FMR1NB: variants seen among roughly 807,000 people sequenced by gnomAD.
FMR1NB encodes the protein FMR1 neighbor, also known as FMR1 neighbor protein.
In FMR1NB, 10 loss-of-function variants were observed where a neutral mutation model predicts 16.8. The ratio of observed to expected loss-of-function variants is 0.60; its 90% CI spans 0.37 to 1.01. The LOEUF (loss-of-function observed/expected upper bound fraction) is 1.01, where lower values mean the gene tolerates loss of function less well. Among genes scored for constraint, FMR1NB ranks in the 50% least tolerant of loss-of-function variants. The probability of loss-of-function intolerance (pLI) is 0.01; values close to 1 mark genes in which losing one functional copy is unlikely to be tolerated. For synonymous variants in FMR1NB, 83 were observed against 79.1 expected, an observed-to-expected ratio of 1.05 and a Z score of -0.26; for missense variants, 205 against 204.8, an observed-to-expected ratio of 1.00 and a Z score of 0.00.
chrX:147,996,606 A>G (rs1421109866), intron 1 of FMR1NB, among the ~76,000 whole-genome samples: 4 of 111,041 alleles, frequency 3.6e-5, no homozygotes, highest in African/African-American at 1.3e-4. Flanking sequence ...GGCGGGGGCA[A>G]CATAATTTGT....
At chrX:148,003,448 G>T (rs2044581045) in intron 2 of FMR1NB, 128 bp downstream of exon 2, 1 of 709,969 alleles carries the variant, frequency 1.4e-6, no homozygotes, top group African/African-American at 2.2e-5. Flanking sequence ...TCCTGGCTCT[G>T]CTCTTTGGCT....
chrX:147,991,609 ACTTC>A (rs1156273184), intron 1 of FMR1NB, among the ~76,000 whole-genome samples: 2 of 102,349 alleles, frequency 2.0e-5, no homozygotes, highest in East Asian at 6.0e-4. Context: ...TTCCCAAAAA[ACTTC>A]CTTCCTTCAC....
chrX:148,007,076 C>T (rs1440844026), intron 3 of FMR1NB, among the ~76,000 whole-genome samples: 1 of 111,447 alleles, frequency 9.0e-6, no homozygotes, highest in East Asian at 2.8e-4. Flanking sequence ...TTTTCTTTTG[C>T]TTTAGTCACT....
intron 2 of FMR1NB, among the ~76,000 whole-genome samples, chrX:148,005,131 G>T (rs1347782192): frequency 8.0e-5 from 9 of 112,130 alleles, no homozygotes; most frequent in Non-Finnish European, 1.3e-4. Context: ...CTCGTGATCC[G>T]CCCGCCTTGG....
intron 1 of FMR1NB, among the ~76,000 whole-genome samples, chrX:148,002,227 G>A (rs1166647780): frequency 1.8e-5 from 2 of 111,405 alleles, no homozygotes; most frequent in Non-Finnish European, 3.8e-5. Flanking sequence ...TCTCTACTAT[G>A]CAACACAATA....
intron 1 of FMR1NB, among the ~76,000 whole-genome samples, chrX:147,992,016 C>A (rs1557187660): frequency 8.9e-6 from 1 of 112,292 alleles, no homozygotes; most frequent in East Asian, 2.8e-4. Context: ...AGAGGAATTT[C>A]TCCCAGTGCA....
intron 4 of FMR1NB, among the ~76,000 whole-genome samples, chrX:148,019,035 G>C (rs964867844): frequency 8.9e-6 from 1 of 111,994 alleles, no homozygotes; most frequent in Non-Finnish European, 1.9e-5. Flanking sequence ...GACACCTTTT[G>C]AGACTATTTT....
At chrX:148,016,862 T>A (rs1476003899) in intron 4 of FMR1NB, among the ~76,000 whole-genome samples, 1 of 111,257 alleles carries the variant, frequency 9.0e-6, no homozygotes, top group Non-Finnish European at 1.9e-5. Context: ...TGGTTCGTCT[T>A]TAGTCTTTCC....
intron 1 of FMR1NB, among the ~76,000 whole-genome samples, chrX:147,989,838 A>T (rs782568740): frequency 9.1e-6 from 1 of 110,405 alleles, no homozygotes; most frequent in East Asian, 2.9e-4. Context: ...GTAATGGTGG[A>T]TGTCCCTCCC....
At chrX:148,006,653 G>A (rs782740741) in intron 2 of FMR1NB, 49 bp from the exon 3 acceptor site, 1 of 1,155,434 alleles carries the variant, frequency 8.7e-7, no homozygotes, top group Admixed American at 2.6e-5. Context: ...TAGGGAAAGT[G>A]GTAACTAACC....
At chrX:147,989,133 G>A (rs1237894609) in intron 1 of FMR1NB, among the ~76,000 whole-genome samples, 3 of 111,822 alleles carry the variant, frequency 2.7e-5, no homozygotes, top group African/African-American at 9.8e-5. Context: ...CATTTTTGTG[G>A]ATTTATCTAC....
At chrX:148,014,262 G>A (rs1253598675) in intron 4 of FMR1NB, among the ~76,000 whole-genome samples, 1 of 111,266 alleles carries the variant, frequency 9.0e-6, no homozygotes, top group African/African-American at 3.3e-5. Flanking sequence ...TACTTAAATA[G>A]GAATGTATAG....
intron 3 of FMR1NB, chrX:148,008,160 C>T (rs2044606436): frequency 8.6e-6 from 1 of 115,932 alleles, no homozygotes; most frequent in Non-Finnish European, 1.8e-5. Flanking sequence ...CTAGACCTTG[C>T]TTAGCTCACA....
At chrX:147,992,007 G>A (rs781877275) in intron 1 of FMR1NB, among the ~76,000 whole-genome samples, 15 of 112,256 alleles carry the variant, frequency 1.3e-4, no homozygotes, top group South Asian at 7.3e-4. Context: ...TCCCAAGGCA[G>A]AGGAATTTCT....
At chrX:148,023,537 A>AACT (rs201998053) in intron 4 of FMR1NB, among the ~76,000 whole-genome samples, 8,591 of 111,301 alleles carry the variant, frequency 0.077, 463 homozygotes, top group African/African-American at 0.19. Context: ...CTGTACAGCT[A>AACT]AGTAGCACTT....
At chrX:147,984,488 A>G (rs2044466689) in intron 1 of FMR1NB, among the ~76,000 whole-genome samples, 1 of 112,195 alleles carries the variant, frequency 8.9e-6, no homozygotes, top group Admixed American at 9.4e-5. Context: ...TGCAAATGGA[A>G]TGGTTTCCTT....
chrX:148,003,979 C>T (rs1272934892), intron 2 of FMR1NB, among the ~76,000 whole-genome samples: 1 of 111,910 alleles, frequency 8.9e-6, no homozygotes, highest in Non-Finnish European at 1.9e-5. Context: ...TTTATTCTAA[C>T]AAAATTTGAT....
Position 147,981,390 on chromosome X carries a change from G to C in FMR1NB, c.-13G>C, listed in dbSNP as rs182787302. On this transcript the variant is annotated 5_prime_UTR_variant, in exon 1 of 6. Transcript: ENST00000370467. ...CTGTGAGGCAGCGTCTCAGCGAGGC[G>C]GCACCCGGAGCCATGTCTTCACATA... 8.3e-7 allele frequency: 1 copy of C among 1,199,785 alleles called. No homozygotes were observed. Among genetic ancestry groups the C allele is most frequent in the Admixed American group, 2.2e-5 (1 of 45,369 alleles).
chrX:148,007,362 T>C (rs1359298959), intron 3 of FMR1NB, among the ~76,000 whole-genome samples: 8 of 112,160 alleles, frequency 7.1e-5, no homozygotes, highest in Admixed American at 5.7e-4. Context: ...TGATCACAGC[T>C]GACTGCAGCC....
Sources: allele counts gnomAD v4.1 joint callset (sites outside exome capture counted in the v4.1 genomes callset), GRCh38; gene constraint gnomAD v4.1.1; transcripts MANE v1.5; gene names NCBI Gene and HGNC (gene_info 2026-07-23, HGNC 2026-07-21).